Variants in ARID5B observed in about 807,000 individuals in gnomAD.
ARID5B encodes the protein AT-rich interaction domain 5B.
A neutral mutation model predicts 97.2 loss-of-function variants in ARID5B; 13 were observed. That is an observed-to-expected ratio of 0.13 (90% confidence interval 0.09 to 0.21). The LOEUF (loss-of-function observed/expected upper bound fraction) is 0.21. ARID5B is among the 10% of genes least tolerant of loss of function. The pLI, the probability that ARID5B is intolerant of heterozygous loss-of-function variation, is 1.00. For missense variants in ARID5B, 1,210 were observed against 1,465.3 expected (o/e 0.83, Z 2.84); for synonymous variants, 556 against 570.3 (o/e 0.97, Z 0.36).
At chr10:61,911,100 C>G (rs2393782) in intron 2 of ARID5B, among the ~76,000 whole-genome samples, 133,474 of 152,238 alleles carry the variant, frequency 0.88, 58,917 homozygotes, top group African/African-American at 0.96. Flanking sequence ...TTCCAAGCCT[C>G]ATCAGTGGCA....
intron 3 of ARID5B, among the ~76,000 whole-genome samples, chr10:61,981,078 A>C (rs1458795973): frequency 6.6e-6 from 1 of 152,242 alleles, no homozygotes; most frequent in Non-Finnish European, 1.5e-5. Context: ...CACCTTGAAC[A>C]GGTTGCTTAA....
intron 4 of ARID5B, among the ~76,000 whole-genome samples, chr10:62,039,701 T>A (rs1839610195): frequency 6.6e-6 from 1 of 152,214 alleles, no homozygotes; most frequent in Non-Finnish European, 1.5e-5. Flanking sequence ...GGTTTTTTGG[T>A]GCTAAGAATG....
chr10:61,956,374 T>C (rs1838391804), intron 3 of ARID5B, among the ~76,000 whole-genome samples: 1 of 152,244 alleles, frequency 6.6e-6, no homozygotes, highest in Admixed American at 6.5e-5. Context: ...ACACAGTCCA[T>C]GGAAAAACTG....
chr10:61,920,329 GTTT>G (rs11302478), intron 2 of ARID5B, among the ~76,000 whole-genome samples: 4 of 134,792 alleles, frequency 3.0e-5, no homozygotes, highest in African/African-American at 2.7e-5. Flanking sequence ...ATGAATCTTT[GTTT>G]TTTTTTTTTT....
chr10:62,051,332 TG>T (rs1475862401), intron 5 of ARID5B, among the ~76,000 whole-genome samples: 28 of 152,246 alleles, frequency 1.8e-4, no homozygotes, highest in Admixed American at 1.8e-3. Context: ...TAGTTTACTC[TG>T]CTTGTGTCAA....
intron 4 of ARID5B, among the ~76,000 whole-genome samples, chr10:62,013,818 C>T (rs1839250260): frequency 1.9e-5 from 2 of 105,960 alleles, no homozygotes; most frequent in African/African-American, 6.9e-5. Context: ...ATATATATAC[C>T]ACATTTTCTC....
At chr10:61,932,489 C>T (rs1410797721) in intron 2 of ARID5B, among the ~76,000 whole-genome samples, 1 of 150,926 alleles carries the variant, frequency 6.6e-6, no homozygotes, top group African/African-American at 2.4e-5. Flanking sequence ...TGGTTCACTG[C>T]AGCCTCGACT....
rs1839259168 is a variant in ARID5B at position 62,014,520 on chromosome 10, A to C, written c.733+14199A>C. Among the ~76,000 whole-genome samples, 4 of 152,226 alleles carry C rather than the reference A, an allele frequency of 2.6e-5. No individual in the cohort carries two copies. In the South Asian group the frequency reaches 6.2e-4, roughly 24 times the overall value. On this transcript the variant is annotated intron_variant, in intron 4 of 9. Coordinates refer to ENST00000279873, the MANE Select transcript of ARID5B (RefSeq NM_032199.3). ...TAAAAGTGCAAAGCCCTGATTTTGG[A>C]GGTATATACTCTGTATGCTATTAAC... is the stretch of plus-strand genomic sequence containing the variant.
intron 7 of ARID5B, among the ~76,000 whole-genome samples, chr10:62,068,287 G>A (rs1840018918): frequency 6.6e-6 from 1 of 152,156 alleles, no homozygotes; most frequent in South Asian, 2.1e-4. Context: ...TGTAAGAGGT[G>A]GTTCTGTCTA....
intron 3 of ARID5B, among the ~76,000 whole-genome samples, chr10:61,966,348 C>T (rs575270409): frequency 6.6e-6 from 1 of 152,218 alleles, no homozygotes; most frequent in South Asian, 2.1e-4. Context: ...CCCTCCTCCC[C>T]CAAGAAGTCA....
intron 3 of ARID5B, among the ~76,000 whole-genome samples, chr10:61,997,308 G>T (rs1839014260): frequency 6.6e-6 from 1 of 151,914 alleles, no homozygotes; most frequent in Non-Finnish European, 1.5e-5. Context: ...AGGCACAGAA[G>T]ATTGCCAGGG....
intron 2 of ARID5B, among the ~76,000 whole-genome samples, chr10:61,904,034 A>C (rs2132749720): frequency 2.7e-5 from 4 of 145,802 alleles, no homozygotes; most frequent in South Asian, 2.2e-4. Flanking sequence ...TCCCCCTCCC[A>C]AGGTCTGGCT....
intron 9 of ARID5B, among the ~76,000 whole-genome samples, chr10:62,086,709 A>AAAAAAAAAAAAAAAGAAC (rs778821864): frequency 8.8e-6 from 1 of 113,978 alleles, no homozygotes; most frequent in African/African-American, 3.2e-5. Flanking sequence ...AAAAAAAAAA[A>AAAAAAAAAAAAAAAGAAC]AAATATCAGG....
rs1045873033 is a variant in ARID5B at position 62,095,313 on chromosome 10, C to T, written c.*2283C>T. 3 of 231,306 alleles carry T rather than the reference C, an allele frequency of 1.3e-5. No individual in the cohort carries two copies. The highest frequency in any genetic ancestry group is 2.6e-5 in the Non-Finnish European group (3 of 117,128). The allele number at this position is 231,306 out of a possible 1,614,324, so 14.3% of individuals were successfully genotyped here. ...AGGACATGGAAGAAAAAGGAAACTT[C>T]GGTGGTTCTGCAGCAGACATGGGCT... On this transcript the variant is annotated 3_prime_UTR_variant, in exon 10 of 10. Transcript: ENST00000279873.
At chr10:62,090,840 G>C in intron 9 of ARID5B, 22 bp from the exon 10 acceptor site, 1 of 1,538,524 alleles carries the variant, frequency 6.5e-7, no homozygotes, top group South Asian at 1.3e-5. Flanking sequence ...TCTTCTGACT[G>C]TCTTTTGAAA....
intron 2 of ARID5B, among the ~76,000 whole-genome samples, chr10:61,933,067 C>T (rs568353644): frequency 4.7e-4 from 71 of 152,224 alleles, no homozygotes; most frequent in Non-Finnish European, 8.5e-4. Context: ...CCAGACCCAA[C>T]TCAAAAGAAC....
intron 3 of ARID5B, among the ~76,000 whole-genome samples, chr10:61,985,097 A>T (rs1489222409): frequency 6.6e-6 from 1 of 151,794 alleles, no homozygotes; most frequent in Non-Finnish European, 1.5e-5. Flanking sequence ...GGGAGTTTCT[A>T]TGTATCCTTC....
intron 2 of ARID5B, among the ~76,000 whole-genome samples, chr10:61,904,939 C>T (rs1843685066): frequency 6.6e-6 from 1 of 152,226 alleles, no homozygotes; most frequent in Non-Finnish European, 1.5e-5. Context: ...AGCAGAATAG[C>T]AGCAGCAGTC....
At chr10:62,066,995 A>G (rs550102187) in intron 7 of ARID5B, among the ~76,000 whole-genome samples, 12 of 152,146 alleles carry the variant, frequency 7.9e-5, no homozygotes, top group East Asian at 3.9e-4. Context: ...GCGATGTCCA[A>G]TAAATTTTTG....
Sources: gnomAD v4.1 joint callset for allele counts (sites outside exome capture counted in the v4.1 genomes callset) on GRCh38, gnomAD v4.1.1 for gene constraint, MANE v1.5 for transcripts, NCBI Gene and HGNC (gene_info 2026-07-23, HGNC 2026-07-21) for gene names.